The following TFDP2 variants were observed in gnomAD, a reference collection of about 807,000 sequenced individuals.
TFDP2 encodes transcription factor Dp-2 (E2F dimerization partner 2).
In TFDP2, 17 loss-of-function variants were observed where a neutral mutation model predicts 59.3. That is an observed-to-expected ratio of 0.29 (90% confidence interval 0.20 to 0.43). The LOEUF (loss-of-function observed/expected upper bound fraction) is 0.43, where lower values mean the gene tolerates loss of function less well. TFDP2 is among the 20% of genes least tolerant of loss of function. The pLI is 1.00. For missense variants in TFDP2, 391 were observed against 528.8 expected, an observed-to-expected ratio of 0.74 and a Z score of 2.56; for synonymous variants, 180 against 194.7, an observed-to-expected ratio of 0.92 and a Z score of 0.63.
intron 3 of TFDP2, among the ~76,000 whole-genome samples, chr3:142,036,111 C>G (rs1350649096): frequency 6.6e-6 from 1 of 152,080 alleles, no homozygotes; most frequent in African/African-American, 2.4e-5. Flanking sequence ...GTAAACTATT[C>G]TGGATGGGAA....
At chr3:142,086,470 G>A (rs56300836) in intron 3 of TFDP2, among the ~76,000 whole-genome samples, 12,957 of 152,210 alleles carry the variant, frequency 0.085, 696 homozygotes, top group Middle Eastern at 0.14. Flanking sequence ...TGCTAGAGTG[G>A]CTCACAGAAC....
chr3:142,085,203 T>C (rs914396697), intron 3 of TFDP2, among the ~76,000 whole-genome samples: 2 of 152,188 alleles, frequency 1.3e-5, no homozygotes, highest in African/African-American at 4.8e-5. Context: ...GCATGTGCCA[T>C]TGCACCCAGC....
chr3:142,051,159 C>T (rs2862124), intron 3 of TFDP2, among the ~76,000 whole-genome samples: 131,209 of 152,172 alleles, frequency 0.86, 56,941 homozygotes, highest in African/African-American at 0.97. Context: ...GACTCTCCTG[C>T]GCATTGCAGA....
chr3:142,089,256 C>CCAATGGAAATT (rs1355313724), intron 3 of TFDP2, among the ~76,000 whole-genome samples: 1 of 150,902 alleles, frequency 6.6e-6, no homozygotes, highest in Non-Finnish European at 1.5e-5. Flanking sequence ...CATAAAGAAC[C>CCAATGGAAATT]CAATGGAAAT....
intron 3 of TFDP2, among the ~76,000 whole-genome samples, chr3:142,012,086 C>T (rs563067103): frequency 6.7e-6 from 1 of 149,114 alleles, no homozygotes; most frequent in South Asian, 2.1e-4. Context: ...GAGCTTGGCT[C>T]ACTGCAAGCT....
At chr3:141,988,107 G>C (rs1477364030) in intron 6 of TFDP2, among the ~76,000 whole-genome samples, 2 of 151,878 alleles carry the variant, frequency 1.3e-5, no homozygotes, top group Non-Finnish European at 2.9e-5. Flanking sequence ...CACCATGCCT[G>C]GCTAAGTTTT....
At chr3:141,954,603 C>T (rs1936340505) in intron 11 of TFDP2, among the ~76,000 whole-genome samples, 1 of 150,940 alleles carries the variant, frequency 6.6e-6, no homozygotes, top group South Asian at 2.1e-4. Flanking sequence ...TGCCACTGCA[C>T]TCCAGCCTGA....
intron 3 of TFDP2, among the ~76,000 whole-genome samples, chr3:142,040,933 C>G (rs1235797804): frequency 6.6e-6 from 1 of 152,090 alleles, no homozygotes; most frequent in African/African-American, 2.4e-5. Flanking sequence ...TCTAAAGCAA[C>G]CACTAAAAAT....
intron 1 of TFDP2, among the ~76,000 whole-genome samples, chr3:142,113,871 T>G (rs957304431): frequency 3.3e-5 from 5 of 151,974 alleles, no homozygotes; most frequent in African/African-American, 1.2e-4. Context: ...TCAAAATAAC[T>G]CTACAGAATA....
At position 142,094,809 on chromosome 3, in the gene TFDP2, G is replaced by A. The variant is rs376427558; in HGVS notation, c.16-1682C>T. ...CTATTATTGTGTATATGTGTGTTGC[G>A]AAGATTCAATTTAAGATCTATCCTT... is the stretch of plus-strand genomic sequence containing the variant. On this transcript the variant is annotated intron_variant, in intron 2 of 12. Coordinates refer to ENST00000489671, the MANE Select transcript of TFDP2 (RefSeq NM_001178139.2). 9.9e-5 allele frequency among the ~76,000 whole-genome samples: 15 copies of A among 152,172 alleles called. No individual in the cohort carries two copies. The East Asian group carries it at 2.1e-3, about 22-fold the overall frequency.
At chr3:142,112,689 AT>A (rs954913662) in intron 1 of TFDP2, among the ~76,000 whole-genome samples, 8 of 151,698 alleles carry the variant, frequency 5.3e-5, no homozygotes, top group Non-Finnish European at 1.0e-4. Flanking sequence ...TGGCAAATTG[AT>A]TTTTTTTTAA....
intron 3 of TFDP2, chr3:142,043,720 T>C: frequency 7.9e-7 from 1 of 1,269,612 alleles, no homozygotes; most frequent in Non-Finnish European, 1.2e-6. Context: ...TTCCTTGGTC[T>C]TAGACCTGGG....
At chr3:141,999,043 A>G (rs952469529) in intron 4 of TFDP2, among the ~76,000 whole-genome samples, 13 of 152,214 alleles carry the variant, frequency 8.5e-5, no homozygotes, top group African/African-American at 3.1e-4. Context: ...ATTATCTTAT[A>G]CAGTTGACCC....
chr3:142,056,674 C>A (rs1395650650), intron 3 of TFDP2, among the ~76,000 whole-genome samples: 1 of 152,154 alleles, frequency 6.6e-6, no homozygotes, highest in African/African-American at 2.4e-5. Context: ...TTGTCCCCAA[C>A]AAATCTGGAC....
At chr3:142,068,922 T>C (rs1395662721) in intron 3 of TFDP2, among the ~76,000 whole-genome samples, 1 of 152,056 alleles carries the variant, frequency 6.6e-6, no homozygotes, top group Non-Finnish European at 1.5e-5. Context: ...TTTTCTTTCC[T>C]TTTTCTTGTT....
intron 6 of TFDP2, among the ~76,000 whole-genome samples, chr3:141,989,734 A>AC (rs1942536682): frequency 6.6e-6 from 1 of 152,028 alleles, no homozygotes; most frequent in African/African-American, 2.4e-5. Flanking sequence ...AATGGCTACC[A>AC]TTTCTGATGC....
chr3:142,108,057 A>G (rs552694761), intron 1 of TFDP2, among the ~76,000 whole-genome samples: 1 of 152,160 alleles, frequency 6.6e-6, no homozygotes, highest in African/African-American at 2.4e-5. Flanking sequence ...ATTACATGCC[A>G]GTCAGAGCTT....
At chr3:142,102,314 G>A (rs2061338515) in intron 1 of TFDP2, among the ~76,000 whole-genome samples, 1 of 151,918 alleles carries the variant, frequency 6.6e-6, no homozygotes, top group South Asian at 2.1e-4. Context: ...GATAGTAACA[G>A]ATTATAAACC....
At chr3:142,103,978 C>G (rs1405893915) in intron 1 of TFDP2, among the ~76,000 whole-genome samples, 1 of 151,892 alleles carries the variant, frequency 6.6e-6, no homozygotes, top group East Asian at 1.9e-4. Flanking sequence ...TTTGCTGCAC[C>G]TATCAACCCG....
Sources: gnomAD v4.1 joint callset for allele counts (sites outside exome capture counted in the v4.1 genomes callset) on GRCh38, gnomAD v4.1.1 for gene constraint, MANE v1.5 for transcripts, NCBI Gene and HGNC (gene_info 2026-07-23, HGNC 2026-07-21) for gene names.